The following PAGE2B variants were observed in gnomAD, a reference collection of about 807,000 sequenced individuals.
PAGE2B encodes putative G antigen family E member 3.
PAGE2B carries 5 observed loss-of-function variants against 7.6 expected under a neutral mutation model. That is an observed-to-expected ratio of 0.66 (90% CI 0.34 to 1.38). PAGE2B has a LOEUF of 1.38. Ranked by LOEUF, PAGE2B falls within the 40% of genes most tolerant of loss-of-function variation. The pLI, the probability that PAGE2B is intolerant of heterozygous loss-of-function variation, is 0.04. For missense variants in PAGE2B, 70 were observed against 78.4 expected (o/e 0.89, Z 0.41); for synonymous variants, 29 against 26.7 (o/e 1.09, Z -0.27).
At chrX:55,050,990 G>T in the PAGE2B span, among the ~76,000 whole-genome samples, 1 of 111,530 alleles carries the variant, frequency 9.0e-6, no homozygotes, top group African/African-American at 3.3e-5. Context: ...AGGAGCTCTT[G>T]TAGGGCAGGC....
the PAGE2B span, among the ~76,000 whole-genome samples, chrX:55,043,137 C>T: frequency 9.0e-6 from 1 of 111,127 alleles, no homozygotes; most frequent in Non-Finnish European, 1.9e-5. Context: ...AATTGGCGAG[C>T]CACATGTAGG....
At chrX:55,051,019 G>T in the PAGE2B span, among the ~76,000 whole-genome samples, 1 of 111,059 alleles carries the variant, frequency 9.0e-6, no homozygotes, top group Non-Finnish European at 1.9e-5. Flanking sequence ...GACAAAATCT[G>T]TCCGCTTTTG....
At chrX:55,032,654 G>T in the PAGE2B span, among the ~76,000 whole-genome samples, 1 of 111,495 alleles carries the variant, frequency 9.0e-6, no homozygotes, top group Non-Finnish European at 1.9e-5. Context: ...GAGATGAGAA[G>T]AACTTTGAAT....
the PAGE2B span, among the ~76,000 whole-genome samples, chrX:55,037,383 A>G: frequency 2.7e-5 from 3 of 111,574 alleles, no homozygotes; most frequent in Admixed American, 2.9e-4. Context: ...AATGGCAATC[A>G]TTAAAAAGTC....
the PAGE2B span, among the ~76,000 whole-genome samples, chrX:55,036,679 C>T: frequency 9.1e-6 from 1 of 110,404 alleles, no homozygotes; most frequent in Non-Finnish European, 1.9e-5. Context: ...ACCAAAACAG[C>T]ATGGTACTGG....
At chrX:55,042,609 C>G in the PAGE2B span, among the ~76,000 whole-genome samples, 4 of 90,515 alleles carry the variant, frequency 4.4e-5, no homozygotes, top group Admixed American at 3.7e-4. Context: ...AGCCGAGATC[C>G]CGCCACTGCA....
At chrX:55,032,829 T>G in the PAGE2B span, among the ~76,000 whole-genome samples, 1 of 111,475 alleles carries the variant, frequency 9.0e-6, no homozygotes, top group Non-Finnish European at 1.9e-5. Flanking sequence ...CATGGTGTAT[T>G]TAACCATTTT....
chrX:55,030,965 A>G, the PAGE2B span: 1 of 340,404 alleles, frequency 2.9e-6, no homozygotes, highest in Non-Finnish European at 5.9e-6. Context: ...CTGAGGACGA[A>G]CGAATGACAG....
the PAGE2B span, among the ~76,000 whole-genome samples, chrX:55,053,869 C>G: frequency 8.9e-6 from 1 of 112,044 alleles, no homozygotes; most frequent in Non-Finnish European, 1.9e-5. Context: ...TAATAAAACC[C>G]AAATTGACTA....
chrX:55,072,919 C>T (rs2146463714), upstream of PAGE2B, among the ~76,000 whole-genome samples: 1 of 111,710 alleles, frequency 9.0e-6, no homozygotes, highest in East Asian at 2.8e-4. Context: ...CCTCCTCCCA[C>T]CAAGCTCCGA....
chrX:55,052,922 C>T, the PAGE2B span, among the ~76,000 whole-genome samples: 4 of 112,745 alleles, frequency 3.5e-5, no homozygotes, highest in African/African-American at 9.7e-5. Context: ...TGTTCCTATT[C>T]GGCCATCTTG....
chrX:55,076,194 T>C, intron 2 of PAGE2B, 69 bp downstream of exon 2: 1 of 1,081,189 alleles, frequency 9.2e-7, no homozygotes. Context: ...TGAGCTAGTG[T>C]ACACGCACTG....
At chrX:55,075,909 CTG>C (rs1357561855) in intron 1 of PAGE2B, 123 bp from the exon 2 acceptor site, 1 of 698,731 alleles carries the variant, frequency 1.4e-6, no homozygotes, top group East Asian at 3.6e-5. Context: ...TATCAATGCT[CTG>C]TGAATTACGT....
the PAGE2B span, among the ~76,000 whole-genome samples, chrX:55,038,360 G>A: frequency 8.9e-6 from 1 of 111,964 alleles, no homozygotes; most frequent in African/African-American, 3.2e-5. Flanking sequence ...AGCTGATTAG[G>A]TTAAACTGGC....
intron 2 of PAGE2B, 129 bp from the exon 3 acceptor site, chrX:55,076,440 A>G (rs1318647511): frequency 9.7e-6 from 6 of 618,600 alleles, no homozygotes; most frequent in East Asian, 7.3e-5. Context: ...ATATATACAT[A>G]TATGTATATA....
the PAGE2B span, among the ~76,000 whole-genome samples, chrX:55,065,437 T>C: frequency 3.5e-4 from 39 of 111,850 alleles, no homozygotes; most frequent in Non-Finnish European, 5.5e-4. Flanking sequence ...ACTTTACGTG[T>C]GTCTTTATAG....
In PAGE2B at chrX:55,076,798, A is replaced by G. The variant is rs911577625; in HGVS notation, c.193+121A>G. 7.4e-5 allele frequency: 46 copies of G among 622,647 alleles called. 1 individual carries two copies. Among genetic ancestry groups the G allele is most frequent in the African/African-American group, 4.2e-4 (19 of 44,748 alleles). The allele number at this position is 622,647 out of a possible 1,213,427, so 51.3% of individuals were successfully genotyped here. On this transcript the variant is annotated intron_variant, in intron 3 of 4. Coordinates refer to ENST00000374971, the MANE Select transcript of PAGE2B (RefSeq NM_001015038.3). ...TAGGAAGGAATCTTAAACATTTCCT[A>G]CTGCTGCTGTGTGGAGGGGTGGGAC...
At chrX:55,058,576 G>A in the PAGE2B span, among the ~76,000 whole-genome samples, 3 of 111,570 alleles carry the variant, frequency 2.7e-5, no homozygotes, top group Admixed American at 9.6e-5. Flanking sequence ...AGATCTTTCT[G>A]TCACTTTTAG....
upstream of PAGE2B, among the ~76,000 whole-genome samples, chrX:55,073,010 G>C (rs1283484640): frequency 9.0e-6 from 1 of 111,636 alleles, no homozygotes; most frequent in Non-Finnish European, 1.9e-5. Context: ...GGCTCCATAG[G>C]ACTGGGACCT....
Sources: allele counts gnomAD v4.1 joint callset (sites outside exome capture counted in the v4.1 genomes callset), GRCh38; gene constraint gnomAD v4.1.1; transcripts MANE v1.5; gene names NCBI Gene and HGNC (gene_info 2026-07-23, HGNC 2026-07-21).